The following SNX18 variants were observed in gnomAD, a reference collection of about 807,000 sequenced individuals.
The protein encoded by SNX18 is sorting nexin-18.
SNX18 carries 35 observed loss-of-function variants against 48.7 expected under a neutral mutation model. The ratio of observed to expected loss-of-function variants is 0.72; its 90% CI spans 0.55 to 0.95. SNX18 has a LOEUF of 0.95. Among genes scored for constraint, SNX18 ranks in the 40% least tolerant of loss-of-function variants. SNX18 has a pLI of 0.00. For missense variants in SNX18, 824 were observed against 871.0 expected (o/e 0.95, Z 0.68); for synonymous variants, 492 against 384.7 (o/e 1.28, Z -3.26).
the SNX18 span, among the ~76,000 whole-genome samples, chr5:54,607,795 G>A: frequency 1.3e-4 from 20 of 152,212 alleles, no homozygotes; most frequent in Middle Eastern, 3.4e-3. Flanking sequence ...TTAACCGGGC[G>A]TGGTGGTGGA....
the SNX18 span, among the ~76,000 whole-genome samples, chr5:54,591,253 C>T: frequency 6.6e-6 from 1 of 151,994 alleles, no homozygotes; most frequent in Non-Finnish European, 1.5e-5. Context: ...GATCATAGTT[C>T]ATTACAGCCT....
At chr5:54,594,483 C>G in the SNX18 span, among the ~76,000 whole-genome samples, 1 of 152,106 alleles carries the variant, frequency 6.6e-6, no homozygotes, top group African/African-American at 2.4e-5. Flanking sequence ...TTGGAGTCTT[C>G]TCACTGTTCT....
the SNX18 span, among the ~76,000 whole-genome samples, chr5:54,623,146 G>T: frequency 1.3e-5 from 2 of 152,140 alleles, no homozygotes; most frequent in African/African-American, 4.8e-5. Context: ...GAACTGGAGG[G>T]TGTCTAAGTT....
At chr5:54,522,267 T>C (rs921353463) in intron 1 of SNX18, among the ~76,000 whole-genome samples, 1 of 152,214 alleles carries the variant, frequency 6.6e-6, no homozygotes, top group African/African-American at 2.4e-5. Flanking sequence ...TCAGGACTTG[T>C]GGTTGTAAAG....
chr5:54,547,465 C>T (rs1303385871), downstream of SNX18, among the ~76,000 whole-genome samples: 2 of 152,212 alleles, frequency 1.3e-5, no homozygotes, highest in Non-Finnish European at 2.9e-5. Flanking sequence ...CTCTGCTTTT[C>T]AGAAATCCCT....
chr5:54,603,670 G>A, the SNX18 span, among the ~76,000 whole-genome samples: 1 of 152,152 alleles, frequency 6.6e-6, no homozygotes, highest in Non-Finnish European at 1.5e-5. Flanking sequence ...AGAGTTTCCT[G>A]GAAGGCAACT....
chr5:54,629,928 T>C, the SNX18 span, among the ~76,000 whole-genome samples: 1 of 152,194 alleles, frequency 6.6e-6, no homozygotes, highest in East Asian at 1.9e-4. Flanking sequence ...GGAGGAAAAT[T>C]AGATTTTCCC....
chr5:54,598,610 A>G, the SNX18 span, among the ~76,000 whole-genome samples: 1 of 152,352 alleles, frequency 6.6e-6, no homozygotes, highest in South Asian at 2.1e-4. Context: ...TCCATCACAT[A>G]AACGGATCTA....
At chr5:54,565,618 C>T in the SNX18 span, among the ~76,000 whole-genome samples, 1 of 151,900 alleles carries the variant, frequency 6.6e-6, no homozygotes, top group Non-Finnish European at 1.5e-5. Flanking sequence ...TACAGGTATT[C>T]ATGATATTGT....
chr5:54,536,964 A>G (rs1268801909), intron 1 of SNX18, among the ~76,000 whole-genome samples: 1 of 152,108 alleles, frequency 6.6e-6, no homozygotes, highest in Non-Finnish European at 1.5e-5. Context: ...TTTGATTTGC[A>G]TTTCTCTGAT....
the SNX18 span, among the ~76,000 whole-genome samples, chr5:54,581,894 T>G: frequency 6.6e-6 from 1 of 152,166 alleles, no homozygotes; most frequent in Non-Finnish European, 1.5e-5. Context: ...GCCCTCTGTG[T>G]TAGGGGACAA....
rs1369711449 is a variant in SNX18 at position 54,544,946 on chromosome 5, G to A, written c.*1514G>A. 3 of 152,072 alleles carry A rather than the reference G, an allele frequency of 2.0e-5. No homozygotes were observed. The highest frequency in any genetic ancestry group is 3.8e-4 in the East Asian group (2 of 5,196). The allele number at this position is 152,072 out of a possible 1,614,324, so 9.4% of individuals were successfully genotyped here. A position where few individuals can be genotyped will look rare whatever the true frequency, so the allele number is the denominator to read the frequency against. On this transcript the variant is annotated 3_prime_UTR_variant, in exon 2 of 2. Transcript: ENST00000381410. ...GAAATGGTAACATGGAAGTGAAGAG[G>A]TCACTTTGAAATATTGGTGAGTCAC...
chr5:54,619,175 A>G, the SNX18 span, among the ~76,000 whole-genome samples: 1 of 152,146 alleles, frequency 6.6e-6, no homozygotes, highest in Non-Finnish European at 1.5e-5. Context: ...AATAAAAGTT[A>G]TTGTTTAAGT....
chr5:54,604,428 T>C, the SNX18 span, among the ~76,000 whole-genome samples: 2 of 152,208 alleles, frequency 1.3e-5, no homozygotes, highest in Admixed American at 6.5e-5. Context: ...GAAATACTAT[T>C]GTCTTAAGAA....
chr5:54,629,861 G>A, the SNX18 span, among the ~76,000 whole-genome samples: 1 of 152,168 alleles, frequency 6.6e-6, no homozygotes, highest in Non-Finnish European at 1.5e-5. Context: ...TAGAAACTGG[G>A]AGCATAAACA....
At chr5:54,553,841 C>T in the SNX18 span, among the ~76,000 whole-genome samples, 3 of 152,316 alleles carry the variant, frequency 2.0e-5, no homozygotes, top group East Asian at 3.9e-4. Context: ...GCATCTCCAA[C>T]GTGGGGGTTG....
Position 54,519,092 on chromosome 5 carries a change from G to C in SNX18, c.1140G>C (p.Thr380=), listed in dbSNP as rs765596744. 1 of 1,614,032 alleles carries C rather than the reference G, an allele frequency of 6.2e-7. No individual in the cohort carries two copies. The highest frequency in any genetic ancestry group is 1.1e-5 in the South Asian group (1 of 91,078). The change falls in exon 1 of 2, where the codon ACG becomes ACC. Residue 380 remains threonine, a synonymous_variant. Transcript: ENST00000381410. The part of the protein sequence containing the change: ...AQCDVFQHFL[T]CPSSTDEKAW... ...GCGACGTCTTCCAGCACTTCCTGAC[G>C]TGCCCCAGCAGCACCGACGAGAAAG...
At chr5:54,640,357 G>A in the SNX18 span, among the ~76,000 whole-genome samples, 1 of 151,698 alleles carries the variant, frequency 6.6e-6, no homozygotes, top group East Asian at 1.9e-4. Flanking sequence ...GGGACTACAG[G>A]TATGTGCCAC....
chr5:54,593,281 C>T, the SNX18 span, among the ~76,000 whole-genome samples: 1 of 152,094 alleles, frequency 6.6e-6, no homozygotes, highest in Admixed American at 6.5e-5. Flanking sequence ...GAAATCTTTC[C>T]TTCAGAACCT....
Sources: allele counts gnomAD v4.1 joint callset (sites outside exome capture counted in the v4.1 genomes callset), GRCh38; gene constraint gnomAD v4.1.1; transcripts MANE v1.5; gene names NCBI Gene and HGNC (gene_info 2026-07-23, HGNC 2026-07-21).